NREP: variants seen among roughly 807,000 people sequenced by gnomAD.
NREP encodes neuronal regeneration related protein, also known as neuronal regeneration-related protein.
Under a neutral mutation model 8.6 loss-of-function variants are expected in NREP, and 5 were observed. The ratio of observed to expected loss-of-function variants is 0.58; its 90% CI spans 0.30 to 1.22. The LOEUF (loss-of-function observed/expected upper bound fraction) is 1.22. NREP is among the 50% of genes most tolerant of loss of function. NREP has a pLI of 0.07. For missense variants in NREP, 86 were observed against 82.5 expected (o/e 1.04, Z -0.17); for synonymous variants, 27 against 28.0 (o/e 0.96, Z 0.11).
At chr5:111,754,676 T>C (rs1295419491) in intron 2 of NREP, among the ~76,000 whole-genome samples, 4 of 152,194 alleles carry the variant, frequency 2.6e-5, no homozygotes, top group Non-Finnish European at 5.9e-5. Context: ...AATTTGATCA[T>C]TTTCAAACAA....
chr5:111,959,908 G>A (rs1383677125), intron 2 of NREP, among the ~76,000 whole-genome samples: 2 of 151,886 alleles, frequency 1.3e-5, no homozygotes, highest in South Asian at 4.2e-4. Context: ...TTTATTATAT[G>A]TATTATAACC....
At chr5:111,795,065 T>C (rs1434354547) in intron 2 of NREP, among the ~76,000 whole-genome samples, 1 of 152,060 alleles carries the variant, frequency 6.6e-6, no homozygotes, top group East Asian at 1.9e-4. Flanking sequence ...CTTAAAACAG[T>C]TAACCAGTTT....
intron 2 of NREP, among the ~76,000 whole-genome samples, chr5:111,882,625 T>G (rs375488132): frequency 5.5e-4 from 84 of 152,334 alleles, no homozygotes; most frequent in Middle Eastern, 3.4e-3. Context: ...GACTAACAGC[T>G]GATCTCTCGG....
intron 2 of NREP, among the ~76,000 whole-genome samples, chr5:111,777,924 G>A (rs1393417069): frequency 6.6e-6 from 1 of 152,108 alleles, no homozygotes; most frequent in East Asian, 1.9e-4. Context: ...GTTGCTGATT[G>A]AGATAAATAG....
Position 111,901,957 on chromosome 5 carries a change from T to C in NREP, c.135+73317A>G, listed in dbSNP as rs1221374086. Reference sequence around the variant, plus strand: ...TAGAAACAGTAAAAGAATTCTAAAATTCCTATGGAACCACAAAAGACCCCA... The same window carrying C: ...TAGAAACAGTAAAAGAATTCTAAAACTCCTATGGAACCACAAAAGACCCCA... On this transcript the variant is annotated intron_variant, in intron 2 of 3. Transcript: ENST00000395634. 2.0e-5 allele frequency among the ~76,000 whole-genome samples: 3 copies of C among 152,060 alleles called. No individual in the cohort carries two copies. The East Asian group carries it at 5.8e-4, about 29-fold the overall frequency.
chr5:111,933,043 A>G (rs1276459568), intron 2 of NREP, among the ~76,000 whole-genome samples: 1 of 152,118 alleles, frequency 6.6e-6, no homozygotes, highest in Non-Finnish European at 1.5e-5. Context: ...AGGAGGTAAT[A>G]ATTGCCTCTA....
intron 2 of NREP, among the ~76,000 whole-genome samples, chr5:111,919,101 C>T (rs1220968646): frequency 7.5e-6 from 1 of 132,840 alleles, no homozygotes; most frequent in Non-Finnish European, 1.8e-5. Context: ...CAAAAGAAGA[C>T]ATTTATGCTG....
intron 2 of NREP, among the ~76,000 whole-genome samples, chr5:111,919,442 T>A (rs773073573): frequency 6.6e-6 from 1 of 152,140 alleles, no homozygotes; most frequent in Non-Finnish European, 1.5e-5. Flanking sequence ...ATTGCAGCAC[T>A]ATTAACAACA....
intron 2 of NREP, among the ~76,000 whole-genome samples, chr5:111,776,990 TGAG>T (rs58158043): frequency 7.5e-5 from 10 of 132,628 alleles, no homozygotes; most frequent in African/African-American, 1.7e-4. Context: ...AGAAAAAGGA[TGAG>T]GAGGAGGAGG....
At chr5:111,880,296 T>C (rs577298694) in intron 2 of NREP, among the ~76,000 whole-genome samples, 1 of 152,288 alleles carries the variant, frequency 6.6e-6, no homozygotes, top group South Asian at 2.1e-4. Context: ...TGTGTCTAAG[T>C]GGGTAGAATA....
intron 2 of NREP, among the ~76,000 whole-genome samples, chr5:111,889,861 G>A (rs1317902709): frequency 6.6e-6 from 1 of 152,034 alleles, no homozygotes; most frequent in African/African-American, 2.4e-5. Flanking sequence ...AGTTAAAGGG[G>A]GTTATTCTCT....
intron 2 of NREP, among the ~76,000 whole-genome samples, chr5:111,893,125 A>T (rs1754432753): frequency 2.0e-5 from 3 of 152,196 alleles, no homozygotes; most frequent in Admixed American, 6.5e-5. Context: ...TGTCTAGATG[A>T]AGATACCATT....
intron 2 of NREP, among the ~76,000 whole-genome samples, chr5:111,815,656 C>T (rs1752369147): frequency 6.6e-6 from 1 of 151,660 alleles, no homozygotes; most frequent in Non-Finnish European, 1.5e-5. Context: ...CTCGGCAAAA[C>T]CGAAGGTATG....
At chr5:111,747,240 G>A (rs1006107354) in intron 2 of NREP, among the ~76,000 whole-genome samples, 3 of 152,120 alleles carry the variant, frequency 2.0e-5, no homozygotes, top group Admixed American at 2.0e-4. Context: ...AAGTTGGCTG[G>A]CAAAGAAGCA....
chr5:111,854,992 A>G (rs1484332743), intron 2 of NREP, among the ~76,000 whole-genome samples: 2 of 152,102 alleles, frequency 1.3e-5, no homozygotes, highest in Non-Finnish European at 2.9e-5. Context: ...CTCCCTACCA[A>G]TGTTTATTCA....
intron 2 of NREP, among the ~76,000 whole-genome samples, chr5:111,873,814 G>A (rs1351017213): frequency 1.3e-5 from 2 of 152,136 alleles, no homozygotes; most frequent in East Asian, 3.9e-4. Context: ...TATCTTTGGT[G>A]GGGGGCATTA....
intron 2 of NREP, among the ~76,000 whole-genome samples, chr5:111,871,688 G>A (rs1314547422): frequency 6.6e-6 from 1 of 151,216 alleles, no homozygotes; most frequent in East Asian, 1.9e-4. Flanking sequence ...AAACTTTTTT[G>A]TTCAAAGCTA....
At chr5:111,840,590 T>A (rs1301460351) in intron 2 of NREP, among the ~76,000 whole-genome samples, 1 of 152,096 alleles carries the variant, frequency 6.6e-6, no homozygotes, top group African/African-American at 2.4e-5. Context: ...ATCCCCAAGG[T>A]CATGCAACCT....
rs190249885 is a variant in NREP at position 111,830,193 on chromosome 5, T to C, written c.136-94686A>G. 2.6e-4 allele frequency among the ~76,000 whole-genome samples: 40 copies of C among 152,296 alleles called. 2 individuals are homozygous for C. In the South Asian group the frequency reaches 7.7e-3, roughly 29 times the overall value. On this transcript the variant is annotated intron_variant, in intron 2 of 3. Transcript: ENST00000395634. ...GTTGTTGTTCATCAGCTATTGTTAA[T>C]GTTAGTGTATTTCATGTGTGGCCCA... is the stretch of plus-strand genomic sequence containing the variant.
Sources: gnomAD v4.1 joint callset for allele counts (sites outside exome capture counted in the v4.1 genomes callset) on GRCh38, gnomAD v4.1.1 for gene constraint, MANE v1.5 for transcripts, NCBI Gene and HGNC (gene_info 2026-07-23, HGNC 2026-07-21) for gene names.